The following IFT74 variants were observed in gnomAD, a reference collection of about 807,000 sequenced individuals.
IFT74 encodes intraflagellar transport protein 74 homolog.
IFT74 carries 92 observed loss-of-function variants against 96.7 expected under a neutral mutation model. That is an observed-to-expected ratio of 0.95 (90% confidence interval 0.80 to 1.13). The LOEUF is 1.13. Among genes scored for constraint, IFT74 ranks in the 50% most tolerant of loss-of-function variants. The pLI is 0.00. For synonymous variants in IFT74, 223 were observed against 213.2 expected, an observed-to-expected ratio of 1.05 and a Z score of -0.40; for missense variants, 811 against 698.2, an observed-to-expected ratio of 1.16 and a Z score of -1.82.
upstream of IFT74, among the ~76,000 whole-genome samples, chr9:26,952,977 C>T (rs1825980520): frequency 6.6e-6 from 1 of 152,124 alleles, no homozygotes; most frequent in Non-Finnish European, 1.5e-5. Flanking sequence ...ATATAACTAA[C>T]TTAGTAGGGA....
chr9:27,006,901 G>A (rs1047579358), intron 8 of IFT74, among the ~76,000 whole-genome samples: 3 of 131,582 alleles, frequency 2.3e-5, no homozygotes, highest in Non-Finnish European at 3.1e-5. Context: ...TAGTGGCGCA[G>A]TCTCGGCTCA....
chr9:27,002,954 C>T (rs1423204649), intron 8 of IFT74, among the ~76,000 whole-genome samples: 1 of 151,970 alleles, frequency 6.6e-6, no homozygotes, highest in African/African-American at 2.4e-5. Context: ...GTATCCTCTT[C>T]AGTTTCTTTC....
chr9:27,034,017 G>C (rs962594353), intron 13 of IFT74, among the ~76,000 whole-genome samples: 2 of 151,988 alleles, frequency 1.3e-5, no homozygotes, highest in Non-Finnish European at 2.9e-5. Flanking sequence ...CACAAGATGG[G>C]GCTAATTTTC....
At chr9:27,001,325 G>T (rs1477442500) in intron 8 of IFT74, among the ~76,000 whole-genome samples, 1 of 151,898 alleles carries the variant, frequency 6.6e-6, no homozygotes. Context: ...ATACCCAGTG[G>T]AATTACTGGA....
intron 12 of IFT74, 122 bp from the exon 13 acceptor site, chr9:27,028,903 T>G: frequency 2.4e-6 from 2 of 842,636 alleles, no homozygotes; most frequent in Non-Finnish European, 3.6e-6. Flanking sequence ...GTCCTTAGAA[T>G]AAGACATATT....
In IFT74 at chr9:27,047,438, T is replaced by C. The variant is rs993447111; in HGVS notation, c.1206+67T>C. 8.9e-6 allele frequency: 8 copies of C among 899,026 alleles called. No homozygotes were observed. The African/African-American group carries it at 1.2e-4, about 14-fold the overall frequency. 55.7% of individuals were successfully genotyped at this position (899,026 alleles called of 1,614,324 possible). On this transcript the variant is annotated intron_variant, in intron 15 of 19. Coordinates refer to ENST00000380062, the MANE Select transcript of IFT74 (RefSeq NM_025103.4). ...CCGTGATTAACTTTCCAAATACAAC[T>C]CAAAAAATAGAACGGCTCACTATTG... is the stretch of plus-strand genomic sequence containing the variant.
intron 1 of IFT74, chr9:26,947,308 C>G: frequency 2.1e-6 from 1 of 466,064 alleles, no homozygotes; most frequent in Non-Finnish European, 3.8e-6. Context: ...GCGTCCCAAC[C>G]GCCGACGCCG....
At chr9:26,990,698 G>A (rs562039085) in intron 8 of IFT74, among the ~76,000 whole-genome samples, 4 of 152,228 alleles carry the variant, frequency 2.6e-5, no homozygotes, top group South Asian at 2.1e-4. Context: ...TGGAAATAAC[G>A]TAATTGTGGC....
chr9:27,060,838 T>C, intron 19 of IFT74, 187 bp downstream of exon 19: 1 of 355,982 alleles, frequency 2.8e-6, no homozygotes, highest in South Asian at 4.6e-5. Context: ...GGCGGGTGCC[T>C]GCAATCCCAC....
intron 4 of IFT74, among the ~76,000 whole-genome samples, chr9:26,983,600 T>A (rs1266083386): frequency 3.9e-5 from 6 of 152,134 alleles, no homozygotes; most frequent in African/African-American, 1.4e-4. Flanking sequence ...GAAACTGTGC[T>A]CTAGAGGGTA....
At chr9:27,034,474 G>A (rs759715013) in intron 13 of IFT74, among the ~76,000 whole-genome samples, 28 of 152,166 alleles carry the variant, frequency 1.8e-4, no homozygotes, top group Admixed American at 1.8e-3. Context: ...TAATTATGGA[G>A]GGTAAAATAA....
At chr9:26,994,294 T>C (rs1267455421) in intron 8 of IFT74, 1 of 152,060 alleles carries the variant, frequency 6.6e-6, no homozygotes, top group African/African-American at 2.4e-5. Flanking sequence ...ATCCCAGCAC[T>C]TTGGGAGGCC....
chr9:27,052,385 G>T (rs1564004498), intron 16 of IFT74, among the ~76,000 whole-genome samples: 1 of 151,864 alleles, frequency 6.6e-6, no homozygotes, highest in Non-Finnish European at 1.5e-5. Context: ...GTGCAAGCCT[G>T]TAATCCTAGC....
At chr9:27,005,354 CCCCCCCG>C (rs1828715894) in intron 8 of IFT74, among the ~76,000 whole-genome samples, 2 of 37,588 alleles carry the variant, frequency 5.3e-5, no homozygotes, top group South Asian at 2.6e-3. Flanking sequence ...AAACCATTTC[CCCCCCCG>C]CCCCCCGCAA....
intron 6 of IFT74, among the ~76,000 whole-genome samples, chr9:26,988,248 G>A (rs935252285): frequency 1.6e-4 from 24 of 152,146 alleles, no homozygotes; most frequent in Middle Eastern, 3.4e-3. Context: ...CACCGAGCCC[G>A]GCTTACTAGT....
In IFT74 at chr9:26,962,053, G is replaced by C. The variant is rs750944026; in HGVS notation, c.86G>C (p.Arg29Pro). ...GLTGRPPSGI[R>P]PLSGNIRVAT... The stretch of plus-strand genomic sequence containing the variant: ...ACAGGAAGGCCTCCTTCTGGGATAC[G>C]ACCCCTATCAGGAAATATTCGAGTG... Residue 29 changes from arginine to proline, a missense_variant, in exon 2 of 20, where the codon CGA (arginine) becomes CCA (proline). Coordinates refer to ENST00000380062, the MANE Select transcript of IFT74 (RefSeq NM_025103.4). 4.3e-6 allele frequency: 7 copies of C among 1,614,124 alleles called. No individual in the cohort carries two copies. The highest frequency in any genetic ancestry group is 5.9e-6 in the Non-Finnish European group (7 of 1,180,012).
At chr9:27,006,441 T>TA (rs1026151821) in intron 8 of IFT74, among the ~76,000 whole-genome samples, 7 of 151,958 alleles carry the variant, frequency 4.6e-5, no homozygotes, top group African/African-American at 1.7e-4. Flanking sequence ...CTACTCAAAA[T>TA]AAAAAGTAAA....
chr9:27,061,910 A>G (rs959667651), intron 19 of IFT74, among the ~76,000 whole-genome samples: 7 of 152,162 alleles, frequency 4.6e-5, no homozygotes, highest in African/African-American at 1.7e-4. Flanking sequence ...GGAGGCAGCA[A>G]GCAGCTGTTG....
At chr9:26,958,320 G>A (rs1284897705) in intron 1 of IFT74, among the ~76,000 whole-genome samples, 1 of 152,198 alleles carries the variant, frequency 6.6e-6, no homozygotes, top group Non-Finnish European at 1.5e-5. Flanking sequence ...CACTGAAATT[G>A]AAGAAGACGA....
Sources: allele counts gnomAD v4.1 joint callset (sites outside exome capture counted in the v4.1 genomes callset), GRCh38; gene constraint gnomAD v4.1.1; transcripts MANE v1.5; gene names NCBI Gene and HGNC (gene_info 2026-07-23, HGNC 2026-07-21).